GNG7: variants seen among roughly 807,000 people sequenced by gnomAD.
The protein encoded by GNG7 is guanine nucleotide-binding protein G(I)/G(S)/G(O) subunit gamma-7.
In GNG7, 1 loss-of-function variant was observed where a neutral mutation model predicts 4.0. That is an observed-to-expected ratio of 0.25 (90% CI 0.09 to 1.18). The LOEUF is 1.18. Among genes scored for constraint, GNG7 ranks in the 50% most tolerant of loss-of-function variants. The pLI is 0.50. For synonymous variants in GNG7, 34 were observed against 36.9 expected, an observed-to-expected ratio of 0.92 and a Z score of 0.29; for missense variants, 86 against 91.9, an observed-to-expected ratio of 0.94 and a Z score of 0.26.
At chr19:2,667,881 C>A (rs1448400529) in intron 1 of GNG7, among the ~76,000 whole-genome samples, 1 of 152,050 alleles carries the variant, frequency 6.6e-6, no homozygotes, top group Non-Finnish European at 1.5e-5. Flanking sequence ...CACCACTGTA[C>A]TCCAGCCTGG....
chr19:2,566,511 C>A (rs896456710), intron 2 of GNG7, among the ~76,000 whole-genome samples: 1 of 152,216 alleles, frequency 6.6e-6, no homozygotes, highest in Non-Finnish European at 1.5e-5. Context: ...CCCTAAAAGG[C>A]GTCTCAGCCT....
chr19:2,601,946 A>AGAGGG (rs1269142450), intron 2 of GNG7, among the ~76,000 whole-genome samples: 1 of 151,438 alleles, frequency 6.6e-6, no homozygotes. Flanking sequence ...GGAGGAGAGG[A>AGAGGG]GAGGGGAGGA....
intron 2 of GNG7, among the ~76,000 whole-genome samples, chr19:2,636,572 C>T (rs186622735): frequency 4.7e-4 from 72 of 152,240 alleles, no homozygotes; most frequent in Non-Finnish European, 4.9e-4. Context: ...CCTCTGTGCC[C>T]GAGTGTGAGG....
chr19:2,605,819 C>T lies in GNG7; in HGVS notation c.-78+40405G>A, dbSNP rs566645432. Among the ~76,000 whole-genome samples the T allele has an allele frequency of 1.6e-3, 244 of 152,078 alleles. 1 individual carries two copies. The highest frequency in any genetic ancestry group is 5.8e-3 in the African/African-American group (241 of 41,492). Reference sequence around the variant, plus strand: ...GAGCCACCGCAGCCTGCCAAAATCTCACTCTTATAAGGACATTTGTAATTG... The same window carrying T: ...GAGCCACCGCAGCCTGCCAAAATCTTACTCTTATAAGGACATTTGTAATTG... On this transcript the variant is annotated intron_variant, in intron 2 of 4. Coordinates refer to ENST00000382159, the MANE Select transcript of GNG7 (RefSeq NM_052847.3).
intron 2 of GNG7, among the ~76,000 whole-genome samples, chr19:2,600,441 G>A (rs1384579522): frequency 6.6e-6 from 1 of 151,278 alleles, no homozygotes; most frequent in Non-Finnish European, 1.5e-5. Flanking sequence ...GAGAGACTGG[G>A]AGGAAGGAGA....
At chr19:2,575,878 C>T (rs377560667) in intron 2 of GNG7, among the ~76,000 whole-genome samples, 9 of 150,768 alleles carry the variant, frequency 6.0e-5, no homozygotes, top group South Asian at 2.1e-4. Flanking sequence ...CACAGGCACA[C>T]GCAGGCACAC....
At chr19:2,568,701 AAT>A (rs1337503717) in intron 2 of GNG7, among the ~76,000 whole-genome samples, 5 of 151,510 alleles carry the variant, frequency 3.3e-5, no homozygotes, top group East Asian at 1.9e-4. Flanking sequence ...ACATACATAA[AAT>A]ATAGACACAC....
At chr19:2,640,242 AAGAG>A (rs760056514) in intron 2 of GNG7, among the ~76,000 whole-genome samples, 4 of 149,132 alleles carry the variant, frequency 2.7e-5, no homozygotes, top group Admixed American at 6.7e-5. Flanking sequence ...GAAGGAAAGA[AAGAG>A]AGAGGAAGGA....
At chr19:2,610,977 G>C (rs1204125843) in intron 2 of GNG7, 2 of 122,220 alleles carry the variant, frequency 1.6e-5, no homozygotes, top group Admixed American at 1.6e-4. Context: ...CGGGTGGGAG[G>C]GGGGGAACGG....
In GNG7 at chr19:2,614,107, G is replaced by A. The variant is rs567452255; in HGVS notation, c.-78+32117C>T. Among the ~76,000 whole-genome samples the A allele has an allele frequency of 1.0e-3, 156 of 152,306 alleles. No individual in the cohort carries two copies. The highest frequency in any genetic ancestry group is 3.5e-3 in the African/African-American group (147 of 41,564). On this transcript the variant is annotated intron_variant, in intron 2 of 4. Coordinates refer to ENST00000382159, the MANE Select transcript of GNG7 (RefSeq NM_052847.3). The surrounding 1 kb of genome is among the most constrained non-coding windows in gnomAD (Gnocchi z 6.0). ...TGGGTCCGTTGCAGGCGTCTGTTGC[G>A]AGACCACATCCTCACCACCCGGTGA...
rs1983295460 is a variant in GNG7, at chr19:2,665,801, G to A, written c.-134-19521C>T. 2.6e-5 allele frequency among the ~76,000 whole-genome samples: 4 copies of A among 152,298 alleles called. No individual in the cohort carries two copies. The South Asian group carries it at 8.3e-4, about 32-fold the overall frequency. On this transcript the variant is annotated intron_variant, in intron 1 of 4. Transcript: ENST00000382159. ...ATGTTTAAAGTGGTGTCTGAGCCAT[G>A]GGTCATGGCACATACTGGCTTTATT...
intron 3 of GNG7, among the ~76,000 whole-genome samples, chr19:2,535,814 A>G (rs1215941153): frequency 6.6e-6 from 1 of 151,984 alleles, no homozygotes; most frequent in South Asian, 2.1e-4. Context: ...TCCTCCTCTG[A>G]CCCCATCAAG....
intron 2 of GNG7, among the ~76,000 whole-genome samples, chr19:2,575,066 T>C (rs1283240647): frequency 1.3e-5 from 2 of 150,944 alleles, no homozygotes; most frequent in Non-Finnish European, 2.9e-5. Context: ...TTTTTTCTTT[T>C]TCTTTCCTTT....
chr19:2,511,971 G>A lies in GNG7; in HGVS notation c.*3051C>T. ...ACAGGGTCGGGGCCTGGCCCGCTGT[G>A]GCCCTTCACCTGGCTACTGGTGTCT... On this transcript the variant is annotated 3_prime_UTR_variant, in exon 5 of 5. Coordinates refer to ENST00000382159, the MANE Select transcript of GNG7 (RefSeq NM_052847.3). The surrounding 1 kb of genome is among the most constrained non-coding windows in gnomAD (Gnocchi z 6.3). 1.0e-6 allele frequency: 1 copy of A among 985,926 alleles called. No homozygotes were observed. Among genetic ancestry groups the A allele is most frequent in the Non-Finnish European group, 1.2e-6 (1 of 829,964 alleles). 61.1% of individuals were successfully genotyped at this position (985,926 alleles called of 1,614,324 possible). A position where few individuals can be genotyped will look rare whatever the true frequency, so the allele number is the denominator to read the frequency against.
intron 3 of GNG7, chr19:2,538,894 G>A (rs576344499): frequency 5.4e-5 from 11 of 205,142 alleles, no homozygotes; most frequent in South Asian, 3.6e-4. Flanking sequence ...TCAACCTCCC[G>A]AGTAGCTGGG....
At position 2,557,199 on chromosome 19, in the gene GNG7, A is replaced by G. The variant is rs2144765070; in HGVS notation, c.-77-2011T>C. On this transcript the variant is annotated intron_variant, in intron 2 of 4. Coordinates refer to ENST00000382159, the MANE Select transcript of GNG7 (RefSeq NM_052847.3). This position sits in a 1 kb window ranked among gnomAD's most constrained non-coding sequence, Gnocchi z 5.1. ...GTACACACAAGACACGTGCACACAC[A>G]TTTGCATGCACACACAGACACACAT... Among the ~76,000 whole-genome samples, 1 of 151,798 alleles carries G rather than the reference A, an allele frequency of 6.6e-6. No homozygotes were observed. The highest frequency in any genetic ancestry group is 1.9e-4 in the East Asian group (1 of 5,162).
At chr19:2,632,391 T>G (rs1387724748) in intron 2 of GNG7, among the ~76,000 whole-genome samples, 2 of 149,594 alleles carry the variant, frequency 1.3e-5, no homozygotes, top group Non-Finnish European at 3.0e-5. Flanking sequence ...ATTATGCTAT[T>G]GCATTCTAGC....
At chr19:2,657,399 T>TATATATATATATACAC (rs1332253018) in intron 1 of GNG7, among the ~76,000 whole-genome samples, 47 of 80,688 alleles carry the variant, frequency 5.8e-4, no homozygotes, top group African/African-American at 7.4e-4. Flanking sequence ...TATATATATA[T>TATATATATATATACAC]ACACATAATA....
At chr19:2,520,816 C>T in intron 3 of GNG7, 91 bp from the exon 4 acceptor site, 1 of 621,004 alleles carries the variant, frequency 1.6e-6, no homozygotes. Context: ...ACCTTCCCGA[C>T]TCTAGGCACG....
Sources: allele counts gnomAD v4.1 joint callset (sites outside exome capture counted in the v4.1 genomes callset), GRCh38; gene constraint gnomAD v4.1.1; non-coding constraint Gnocchi (gnomAD v3.1); transcripts MANE v1.5; gene names NCBI Gene and HGNC (gene_info 2026-07-23, HGNC 2026-07-21).